Variants in LTF observed in about 807,000 individuals in gnomAD.
LTF encodes the protein lactotransferrin, also known as epididymis luminal protein 110.
In LTF, 91 loss-of-function variants were observed where a neutral mutation model predicts 87.2. The observed-to-expected ratio is 1.04, with a 90% CI of 0.88 to 1.24. LTF has a LOEUF of 1.24. LTF is among the 50% of genes most tolerant of loss of function. The pLI, the probability that LTF is intolerant of heterozygous loss-of-function variation, is 0.00. For synonymous variants in LTF, 378 were observed against 356.1 expected (o/e 1.06, Z -0.69); for missense variants, 901 against 904.3 (o/e 1.00, Z 0.05).
At chr3:46,446,292 ATTATTTGCACCC>A in intron 11 of LTF, 136 bp downstream of exon 11, 1 of 477,918 alleles carries the variant, frequency 2.1e-6, no homozygotes, top group Non-Finnish European at 3.7e-6. Context: ...TCCTCTGTGA[ATTATTTGCACCC>A]TTAAAATTAT....
intron 1 of LTF, among the ~76,000 whole-genome samples, chr3:46,473,193 T>C (rs1251315387): frequency 2.0e-5 from 3 of 152,152 alleles, no homozygotes; most frequent in Non-Finnish European, 2.9e-5. Flanking sequence ...GAGCTAACCA[T>C]GGTTCCAAGG....
chr3:46,479,196 C>A (rs1703400598), intron 1 of LTF, among the ~76,000 whole-genome samples: 1 of 152,238 alleles, frequency 6.6e-6, no homozygotes. Flanking sequence ...CCACCTGTGG[C>A]AGCTCTGGAG....
chr3:46,463,334 A>G, intron 1 of LTF: 1 of 401,280 alleles, frequency 2.5e-6, no homozygotes, highest in Non-Finnish European at 3.4e-6. Flanking sequence ...CAGACTGCTC[A>G]GACTGATGGG....
At position 46,449,980 on chromosome 3, in the gene LTF, G is replaced by C; in HGVS notation, c.931C>G (p.Pro311Ala). 6.2e-7 allele frequency: 1 copy of C among 1,611,144 alleles called. No individual in the cohort carries two copies. Among genetic ancestry groups the C allele is most frequent in the Admixed American group, 1.7e-5 (1 of 59,412 alleles). ...KSPKFQLFGS[P>A]SGQKDLLFKD... is the part of the protein sequence containing the mutation. ...AACAGCAGATCTTTCTGCCCACTAGGGGAGCCAAAGAGCTGGAATTTCGGT... is the reference window on the plus strand; with the variant it reads ...AACAGCAGATCTTTCTGCCCACTAGCGGAGCCAAAGAGCTGGAATTTCGGT... Residue 311 changes from proline (P) to alanine (A), a missense_variant, in exon 8 of 17, where the codon CCT becomes GCT. Pro to Ala is a conservative substitution (Grantham distance 27). Transcript: ENST00000231751.
intron 15 of LTF, 82 bp downstream of exon 15, chr3:46,439,214 C>T: frequency 7.5e-7 from 1 of 1,339,300 alleles, no homozygotes; most frequent in Non-Finnish European, 1.0e-6. Context: ...ATCGAGTGGG[C>T]TGGTGCACCT....
chr3:46,479,827 C>T (rs1703410072), intron 1 of LTF, among the ~76,000 whole-genome samples: 1 of 152,160 alleles, frequency 6.6e-6, no homozygotes, highest in Non-Finnish European at 1.5e-5. Flanking sequence ...TGCGCCCGGC[C>T]AGAAGTGGCT....
At chr3:46,462,379 T>C (rs763123671) in intron 1 of LTF, among the ~76,000 whole-genome samples, 151 of 152,216 alleles carry the variant, frequency 9.9e-4, no homozygotes, top group Non-Finnish European at 2.0e-3. Flanking sequence ...GTATTGTGAA[T>C]TCTGCCAACC....
upstream of LTF, chr3:46,468,187 G>A: frequency 2.2e-6 from 1 of 456,792 alleles, no homozygotes; most frequent in South Asian, 1.5e-5. Context: ...CTGAAGGATA[G>A]TGAGGGTCAG....
intron 1 of LTF, among the ~76,000 whole-genome samples, chr3:46,482,609 G>GAGAAAGAAAGA (rs1703453191): frequency 1.8e-5 from 1 of 56,946 alleles, no homozygotes; most frequent in Non-Finnish European, 3.3e-5. Flanking sequence ...AAGAAAGAAA[G>GAGAAAGAAAGA]AAGAAAGAAA....
chr3:46,482,663 GGAAGGA>G (rs1703459591), intron 1 of LTF, among the ~76,000 whole-genome samples: 1 of 27,098 alleles, frequency 3.7e-5, no homozygotes, highest in Non-Finnish European at 7.4e-5. Context: ...AAAGAAAGAA[GGAAGGA>G]AGGAAGGAAG....
At chr3:46,473,022 A>T (rs1397196878) in intron 1 of LTF, among the ~76,000 whole-genome samples, 1 of 151,988 alleles carries the variant, frequency 6.6e-6, no homozygotes, top group Non-Finnish European at 1.5e-5. Context: ...CTGGGCCCAG[A>T]TGCATTCAGT....
In LTF at chr3:46,459,814, A is replaced by G; in HGVS notation, c.49T>C (p.Cys17Arg). Residue 17 changes from cysteine to arginine, a missense_variant, in exon 2 of 17, where the codon TGT becomes CGT. Coordinates refer to ENST00000231751, the MANE Select transcript of LTF (RefSeq NM_002343.6). ...ACACTCCTCCTACGGCCAGCCAGAC[A>G]CAGTCCTGGGAGAGAGGGGCCAAGG... The part of the protein sequence containing the change: ...VLLFLGALGL[C>R]LAGRRRSVQW... 6.5e-7 allele frequency: 1 copy of G among 1,549,408 alleles called. No homozygotes were observed. The highest frequency in any genetic ancestry group is 8.7e-7 in the Non-Finnish European group (1 of 1,153,642).
intron 9 of LTF, among the ~76,000 whole-genome samples, chr3:46,447,620 G>A (rs770013577): frequency 6.6e-6 from 1 of 152,204 alleles, no homozygotes. Flanking sequence ...GGAAAGACCA[G>A]GCACAGGTTG....
At position 46,448,996 on chromosome 3, in the gene LTF, C is replaced by T. The variant is rs200930742; in HGVS notation, c.1079G>A (p.Arg360Gln). Residue 360 changes from arginine to glutamine, a missense_variant, in exon 9 of 17, where the codon CGG becomes CAG. Transcript: ENST00000231751. Reference protein sequence around the residue: ...LRKSEEEVAARRARVVWCAVG... With the variant: ...LRKSEEEVAAQRARVVWCAVG... ...CGCACACCACACGACCCGCGCACGC[C>T]GGGCAGCCACTTCCTCCTCACCTGC... 1.9e-4 allele frequency: 300 copies of T among 1,609,810 alleles called. No individual in the cohort carries two copies. The highest frequency in any genetic ancestry group is 5.0e-4 in the Middle Eastern group (3 of 5,944).
Position 46,448,988 on chromosome 3 carries a change from G to T in LTF, c.1087C>A (p.Arg363=). ...TCGCCCACCGCACACCACACGACCC[G>T]CGCACGCCGGGCAGCCACTTCCTCC... ...SEEEVAARRA[R]VVWCAVGEQE... The change falls in exon 9 of 17, where the codon CGG becomes AGG. Residue 363 remains arginine (R), a synonymous_variant. Coordinates refer to ENST00000231751, the MANE Select transcript of LTF (RefSeq NM_002343.6). The T allele has an allele frequency of 6.2e-7, 1 of 1,610,598 alleles. No individual in the cohort carries two copies. Among genetic ancestry groups the T allele is most frequent in the South Asian group, 1.1e-5 (1 of 90,796 alleles).
At chr3:46,461,237 G>A (rs1438308284) in intron 1 of LTF, among the ~76,000 whole-genome samples, 1 of 152,216 alleles carries the variant, frequency 6.6e-6, no homozygotes, top group East Asian at 1.9e-4. Flanking sequence ...TGTAAAACAG[G>A]TTGGCAGCTT....
At chr3:46,461,664 AC>A (rs1453729252) in intron 1 of LTF, among the ~76,000 whole-genome samples, 2 of 152,134 alleles carry the variant, frequency 1.3e-5, no homozygotes, top group Non-Finnish European at 2.9e-5. Flanking sequence ...GGCATGAGGG[AC>A]CTTTACTGGG....
chr3:46,449,836 C>T lies in LTF; in HGVS notation c.1057+18G>A, dbSNP rs1426915527. On this transcript the variant is annotated intron_variant, in intron 8 of 16. Transcript: ENST00000231751. ...GACCACACCAGGCGGACCTCAGGAC[C>T]CTCCTGGGCTCACTCACTTTTCCTC... 1 of 1,613,772 alleles carries T rather than the reference C, an allele frequency of 6.2e-7. No homozygotes were observed.
At chr3:46,467,693 G>C (rs1290708550), upstream of LTF, among the ~76,000 whole-genome samples, 1 of 142,482 alleles carries the variant, frequency 7.0e-6, no homozygotes, top group Non-Finnish European at 1.5e-5. Context: ...TGTCACCTAG[G>C]CTGGTATGCA....
Sources: gnomAD v4.1 joint callset for allele counts (sites outside exome capture counted in the v4.1 genomes callset) on GRCh38, gnomAD v4.1.1 for gene constraint, MANE v1.5 for transcripts, NCBI Gene and HGNC (gene_info 2026-07-23, HGNC 2026-07-21) for gene names.